Variants in DDX4 observed in about 807,000 individuals in gnomAD.
The protein encoded by DDX4 is DEAD-box helicase 4.
In DDX4, 25 loss-of-function variants were observed where a neutral mutation model predicts 100.0. The ratio of observed to expected loss-of-function variants is 0.25; its 90% CI spans 0.18 to 0.35. The LOEUF (loss-of-function observed/expected upper bound fraction) is 0.35, where lower values mean the gene tolerates loss of function less well. DDX4 is among the 10% of genes least tolerant of loss of function. DDX4 has a pLI of 1.00. For synonymous variants in DDX4, 259 were observed against 275.7 expected (o/e 0.94, Z 0.60); for missense variants, 635 against 882.4 (o/e 0.72, Z 3.55).
At chr5:55,804,281 A>G (rs1229803360) in intron 18 of DDX4, among the ~76,000 whole-genome samples, 1 of 151,346 alleles carries the variant, frequency 6.6e-6, no homozygotes, top group African/African-American at 2.4e-5. Context: ...TTGCCTGTTC[A>G]CTCTGATGGT....
intron 3 of DDX4, among the ~76,000 whole-genome samples, chr5:55,755,373 G>A (rs1435524160): frequency 1.3e-5 from 2 of 152,040 alleles, no homozygotes; most frequent in Non-Finnish European, 2.9e-5. Context: ...TTCAGGAATG[G>A]CAGTTGAATG....
chr5:55,796,268 C>T (rs1316959406), intron 17 of DDX4, among the ~76,000 whole-genome samples: 1 of 152,182 alleles, frequency 6.6e-6, no homozygotes, highest in Non-Finnish European at 1.5e-5. Flanking sequence ...GAGACACATC[C>T]AGAAACAATG....
At chr5:55,812,480 C>T (rs1015845822) in intron 18 of DDX4, among the ~76,000 whole-genome samples, 6 of 152,088 alleles carry the variant, frequency 3.9e-5, no homozygotes. Context: ...AGGAGAATGG[C>T]GTGAACCCGG....
At chr5:55,765,802 GTGT>G (rs1740882069) in intron 6 of DDX4, among the ~76,000 whole-genome samples, 1 of 151,884 alleles carries the variant, frequency 6.6e-6, no homozygotes, top group Non-Finnish European at 1.5e-5. Flanking sequence ...CATACTTTAT[GTGT>G]TGTTATTATT....
chr5:55,750,054 A>G (rs1759459709), intron 3 of DDX4, among the ~76,000 whole-genome samples: 1 of 151,996 alleles, frequency 6.6e-6, no homozygotes, highest in Non-Finnish European at 1.5e-5. Context: ...TACTCAAACT[A>G]CACATGCAAT....
At chr5:55,752,534 T>C (rs1255983628) in intron 3 of DDX4, among the ~76,000 whole-genome samples, 2 of 145,204 alleles carry the variant, frequency 1.4e-5, no homozygotes, top group African/African-American at 5.2e-5. Context: ...TATGGCTGCA[T>C]AGTATTCCAT....
chr5:55,802,734 GAAAAC>G (rs913282716), intron 18 of DDX4, among the ~76,000 whole-genome samples: 1 of 152,184 alleles, frequency 6.6e-6, no homozygotes, highest in African/African-American at 2.4e-5. Context: ...AGCATCTAAA[GAAAAC>G]AAAAGCTGTC....
chr5:55,770,312 T>C (rs1263332124), intron 7 of DDX4, among the ~76,000 whole-genome samples: 2 of 152,182 alleles, frequency 1.3e-5, no homozygotes, highest in Non-Finnish European at 2.9e-5. Flanking sequence ...TGTCTTTGTC[T>C]CTGAATAGAG....
intron 18 of DDX4, among the ~76,000 whole-genome samples, chr5:55,809,936 C>T (rs1445794635): frequency 6.6e-6 from 1 of 152,130 alleles, no homozygotes; most frequent in African/African-American, 2.4e-5. Flanking sequence ...TATAGAATTA[C>T]TTTATAGAAT....
intron 7 of DDX4, among the ~76,000 whole-genome samples, chr5:55,771,931 T>TAC (rs59522151): frequency 0.11 from 17,143 of 152,178 alleles, 1,436 homozygotes; most frequent in East Asian, 0.27. Context: ...GCAAGAATAG[T>TAC]ACATACAGAT....
At position 55,778,443 on chromosome 5, in the gene DDX4, AAAT is replaced by A. The variant is rs1741704612; in HGVS notation, c.395-1517_395-1515del. ...GTTTAAATATTTCTTTTCTCAGAAA[AAAT>A]AATGAGTTAAGTGTTCAAGCCAAGT... On this transcript the variant is annotated intron_variant, in intron 7 of 21. Transcript: ENST00000505374. Among the ~76,000 whole-genome samples the A allele has an allele frequency of 2.0e-5, 3 of 152,238 alleles. No homozygotes were observed. The South Asian group carries it at 6.2e-4, about 32-fold the overall frequency.
intron 3 of DDX4, among the ~76,000 whole-genome samples, 162 bp from the exon 4 acceptor site, chr5:55,760,038 A>G (rs950655616): frequency 9.4e-5 from 14 of 149,678 alleles, no homozygotes; most frequent in Non-Finnish European, 2.1e-4. Context: ...AGAACTGTCT[A>G]TTCATGTAGC....
At chr5:55,745,623 A>C (rs1422939485) in intron 2 of DDX4, among the ~76,000 whole-genome samples, 1 of 151,932 alleles carries the variant, frequency 6.6e-6, no homozygotes, top group African/African-American at 2.4e-5. Context: ...GGGTTTCACC[A>C]TGTTGCCCCG....
In DDX4 at chr5:55,781,157, G is replaced by A. The variant is rs1741888088; in HGVS notation, c.577+11G>A. On this transcript the variant is annotated intron_variant, in intron 9 of 21. Coordinates refer to ENST00000505374, the MANE Select transcript of DDX4 (RefSeq NM_024415.3). ...TATTAAGTGGCACAGGTGAGAAATA[G>A]AACTTATTACTGAATATTAGTTACT... The A allele has an allele frequency of 1.3e-6, 2 of 1,599,000 alleles. No homozygotes were observed. Among genetic ancestry groups the A allele is most frequent in the African/African-American group, 2.7e-5 (2 of 74,328 alleles).
At chr5:55,801,730 G>A (rs750047038) in intron 18 of DDX4, among the ~76,000 whole-genome samples, 2 of 152,158 alleles carry the variant, frequency 1.3e-5, no homozygotes, top group African/African-American at 4.8e-5. Flanking sequence ...TTGCTGAACA[G>A]TATTGACTTA....
In DDX4 at chr5:55,781,099, G is replaced by A. The variant is rs765470784; in HGVS notation, c.530G>A (p.Arg177His). 7 of 1,612,560 alleles carry A rather than the reference G, an allele frequency of 4.3e-6. No individual in the cohort carries two copies. The highest frequency in any genetic ancestry group is 2.2e-5 in the East Asian group (1 of 44,804). Residue 177 changes from arginine to histidine, a missense_variant, in exon 9 of 22, where the codon CGC becomes CAC. By Grantham distance (29) the Arg-to-His change is conservative (BLOSUM62 0). Around this residue, in one of 4 missense-constraint regions of DDX4, gnomAD observed 446 missense variants for 540.8 expected, o/e 0.82. Transcript: ENST00000505374. ...TTAGACCCAGACGAATGTATGCAGC[G>A]CACTGGTGGCCTTTTTGGTTCTAGA... is the stretch of plus-strand genomic sequence containing the variant. ...NDLDPDECMQRTGGLFGSRRP... is the reference protein window; with the variant it reads ...NDLDPDECMQHTGGLFGSRRP...
At position 55,738,066 on chromosome 5, in the gene DDX4, C is replaced by G. The variant is rs1421237433; in HGVS notation, c.-50C>G. 1 of 152,294 alleles carries G rather than the reference C, an allele frequency of 6.6e-6. No homozygotes were observed. The highest frequency in any genetic ancestry group is 1.5e-5 in the Non-Finnish European group (1 of 68,082). The allele number at this position is 152,294 out of a possible 1,614,324, so 9.4% of individuals were successfully genotyped here. A position where few individuals can be genotyped will look rare whatever the true frequency, so the allele number is the denominator to read the frequency against. ...CGTGCAGCCGTTTAAGTCGCGTGGG[C>G]GCCTGCGAGGGCTTGGGAGAGCAAG... On this transcript the variant is annotated 5_prime_UTR_variant, in exon 1 of 22. Coordinates refer to ENST00000505374, the MANE Select transcript of DDX4 (RefSeq NM_024415.3).
rs1744448309 is a variant in DDX4 at position 55,816,871 on chromosome 5, A to G, written c.*331A>G. 1 of 209,926 alleles carries G rather than the reference A, an allele frequency of 4.8e-6. No individual in the cohort carries two copies. The highest frequency in any genetic ancestry group is 9.3e-6 in the Non-Finnish European group (1 of 107,296). The allele number at this position is 209,926 out of a possible 1,614,324, so 13.0% of individuals were successfully genotyped here. A position where few individuals can be genotyped will look rare whatever the true frequency, so the allele number is the denominator to read the frequency against. ...TAGTGTTTATTGATCTTATAAAACA[A>G]GCAAATAGGATATGATACACTTTTG... is the stretch of plus-strand genomic sequence containing the variant. On this transcript the variant is annotated 3_prime_UTR_variant, in exon 22 of 22. Coordinates refer to ENST00000505374, the MANE Select transcript of DDX4 (RefSeq NM_024415.3).
At chr5:55,764,926 G>A (rs1740795156) in intron 6 of DDX4, among the ~76,000 whole-genome samples, 1 of 152,144 alleles carries the variant, frequency 6.6e-6, no homozygotes, top group Admixed American at 6.5e-5. Flanking sequence ...AATATTTGAA[G>A]CTGATCTTAT....
Sources: gnomAD v4.1 joint callset for allele counts (sites outside exome capture counted in the v4.1 genomes callset) on GRCh38, gnomAD v4.1.1 for gene constraint, gnomAD v4.1.1 regional missense constraint, MANE v1.5 for transcripts, NCBI Gene and HGNC (gene_info 2026-07-23, HGNC 2026-07-21) for gene names.